The following NCAPH2 variants were observed in gnomAD, a reference collection of about 807,000 sequenced individuals.
The protein encoded by NCAPH2 is non-SMC condensin II complex subunit H2, also known as condensin-2 complex subunit H2.
Under a neutral mutation model 88.6 loss-of-function variants are expected in NCAPH2, and 56 were observed. The ratio of observed to expected loss-of-function variants is 0.63; its 90% CI spans 0.51 to 0.79. NCAPH2 has a LOEUF of 0.79. Among genes scored for constraint, NCAPH2 ranks in the 30% least tolerant of loss-of-function variants. The probability of loss-of-function intolerance (pLI) is 0.00; values close to 1 mark genes in which losing one functional copy is unlikely to be tolerated. For missense variants in NCAPH2, 794 were observed against 792.0 expected (o/e 1.00, Z -0.03); for synonymous variants, 378 against 313.6 (o/e 1.21, Z -2.17).
Position 50,521,856 on chromosome 22 carries a change from GGT to G in NCAPH2, c.1108+12_1108+13del. 1.2e-6 allele frequency: 2 copies of G among 1,613,860 alleles called. No individual in the cohort carries two copies. Among genetic ancestry groups the G allele is most frequent in the Non-Finnish European group, 1.7e-6 (2 of 1,179,992 alleles). ...AGTGGTACCTGGCTGCCTGTGAGTG[GGT>G]GTGGTGTGCACTCCGGACCACTGGG... On this transcript the variant is annotated intron_variant, in intron 12 of 19. Transcript: ENST00000420993.
Position 50,517,438 on chromosome 22 carries a change from C to G in NCAPH2, c.222C>G (p.Leu74=), listed in dbSNP as rs2068955150. 2 of 1,613,962 alleles carry G rather than the reference C, an allele frequency of 1.2e-6. No individual in the cohort carries two copies. The highest frequency in any genetic ancestry group is 1.1e-5 in the South Asian group (1 of 91,090). The change falls in exon 3 of 20, where the codon CTC becomes CTG. Residue 74 remains leucine (L), a synonymous_variant. Transcript: ENST00000420993. ...ACVYSKKVEY[L]YSLVYQALDF... ...CATCTGGTCACCAGGTGGAATACCT[C>G]TACTCACTCGTCTACCAGGCCCTTG...
At position 50,522,800 on chromosome 22, in the gene NCAPH2, C is replaced by T. The variant is rs1296633156; in HGVS notation, c.1426-21C>T. On this transcript the variant is annotated intron_variant, in intron 17 of 19. Transcript: ENST00000420993. ...CAGGCCCCTGCTTGGGAGGCAGTAGCTCCTGCTGATCCTCCCCTAGGAGCT... is the reference window on the plus strand; with the variant it reads ...CAGGCCCCTGCTTGGGAGGCAGTAGTTCCTGCTGATCCTCCCCTAGGAGCT... 2.5e-6 allele frequency: 4 copies of T among 1,612,824 alleles called. No homozygotes were observed. In the Admixed American group the frequency reaches 6.7e-5, roughly 27 times the overall value.
chr22:50,508,471 G>A (rs2068687020), intron 1 of NCAPH2, 26 bp downstream of exon 1: 2 of 1,303,042 alleles, frequency 1.5e-6, no homozygotes, highest in Non-Finnish European at 1.0e-6. Context: ...GAGTGACGCG[G>A]GGTGGGCCGG....
chr22:50,520,688 A>T lies in NCAPH2; in HGVS notation c.862-277A>T, dbSNP rs373723783. 377 of 334,928 alleles carry T rather than the reference A, an allele frequency of 1.1e-3. 1 individual carries two copies. The highest frequency in any genetic ancestry group is 7.7e-3 in the African/African-American group (358 of 46,352). The allele number at this position is 334,928 out of a possible 1,614,324, so 20.7% of individuals were successfully genotyped here. A position where few individuals can be genotyped will look rare whatever the true frequency, so the allele number is the denominator to read the frequency against. ...ATTCTCCTGCCTCGGCCTCCCGAGT[A>T]GGTGGGATTACAGGTGTGCGCCACC... On this transcript the variant is annotated intron_variant, in intron 9 of 19. Transcript: ENST00000420993.
In NCAPH2 at chr22:50,521,528, G is replaced by A. The variant is rs370977084; in HGVS notation, c.934-15G>A. The stretch of plus-strand genomic sequence containing the variant: ...CCCCCTACTTCTCCAGCGCCTTCTT[G>A]TGCTCTGTGCCCAGGAGACTCCAGA... On this transcript the variant is annotated splice_polypyrimidine_tract_variant and intron_variant, in intron 10 of 19. Transcript: ENST00000420993. 12 of 1,613,358 alleles carry A rather than the reference G, an allele frequency of 7.4e-6. No homozygotes were observed. The highest frequency in any genetic ancestry group is 9.3e-6 in the Non-Finnish European group (11 of 1,179,906).
intron 8 of NCAPH2, 93 bp from the exon 9 acceptor site, chr22:50,519,090 CGTGACTA>C (rs1485188859): frequency 1.7e-6 from 2 of 1,203,338 alleles, no homozygotes; most frequent in Non-Finnish European, 2.3e-6. Flanking sequence ...CTCTGGGCTC[CGTGACTA>C]AAGCTGAGGG....
chr22:50,508,386 G>A lies in NCAPH2; in HGVS notation c.49G>A (p.Asp17Asn), dbSNP rs755885703. The change falls in exon 1 of 20, where the codon GAC (aspartate) becomes AAC (asparagine). Residue 17 changes from aspartate (D) to asparagine (N), a missense_variant. This residue lies in a region of NCAPH2 where 59 missense variants were observed against 95.7 expected (regional missense o/e 0.62). Transcript: ENST00000420993. ...RFAHLLQPIR[D>N]LTKNWEVDVA... ...CGCCCACCTCTTGCAGCCCATCCGC[G>A]ACCTCACCAAGAACTGGGAGGTGGA... 2 of 1,482,982 alleles carry A rather than the reference G, an allele frequency of 1.3e-6. No homozygotes were observed. The highest frequency in any genetic ancestry group is 1.3e-5 in the South Asian group (1 of 76,256). 91.9% of individuals were successfully genotyped at this position (1,482,982 alleles called of 1,614,324 possible).
chr22:50,514,371 G>A (rs1052910227), intron 1 of NCAPH2, among the ~76,000 whole-genome samples: 2 of 152,138 alleles, frequency 1.3e-5, no homozygotes, highest in African/African-American at 4.8e-5. Flanking sequence ...GGTGGGGCCA[G>A]AATGGGGGTG....
Position 50,522,936 on chromosome 22 carries a change from G to A in NCAPH2, c.1527+14G>A, listed in dbSNP as rs78417868. On this transcript the variant is annotated intron_variant, in intron 18 of 19. Transcript: ENST00000420993. Reference sequence around the variant, plus strand: ...CTCCAGGAGCAGGTGAGGCGGGGCCGCTGGGAACCAGAGCTGTGTGCCACG... The same window carrying A: ...CTCCAGGAGCAGGTGAGGCGGGGCCACTGGGAACCAGAGCTGTGTGCCACG... 7.8e-4 allele frequency: 1,259 copies of A among 1,612,188 alleles called. 15 individuals are homozygous for A. In the East Asian group the frequency reaches 0.016, roughly 20 times the overall value.
At position 50,521,562 on chromosome 22, in the gene NCAPH2, A is replaced by T; in HGVS notation, c.953A>T (p.Gln318Leu). 6.2e-7 allele frequency: 1 copy of T among 1,613,594 alleles called. No homozygotes were observed. Among genetic ancestry groups the T allele is most frequent in the Non-Finnish European group, 8.5e-7 (1 of 1,180,002 alleles). The stretch of plus-strand genomic sequence containing the variant: ...GCCCAGGAGACTCCAGACCCCTGGC[A>T]GAGCCTGGACCCCTTTGACTCCTTG... ...SCVKETPDPW[Q>L]SLDPFDSLES... The change falls in exon 11 of 20, where the codon CAG becomes CTG. Residue 318 changes from glutamine to leucine, a missense_variant. By Grantham distance (113) the Gln-to-Leu change is moderately radical. Coordinates refer to ENST00000420993, the MANE Select transcript of NCAPH2 (RefSeq NM_152299.4).
At chr22:50,519,667 G>T in intron 9 of NCAPH2, 3 of 1,133,654 alleles carry the variant, frequency 2.6e-6, no homozygotes, top group Non-Finnish European at 3.2e-6. Flanking sequence ...GGCCATTGCT[G>T]CCTCCCTCAA....
rs200422736 is a variant in NCAPH2 at position 50,522,663 on chromosome 22, C to G, written c.1376-8C>G. On this transcript the variant is annotated splice_region_variant and splice_polypyrimidine_tract_variant and intron_variant, in intron 16 of 19. Coordinates refer to ENST00000420993, the MANE Select transcript of NCAPH2 (RefSeq NM_152299.4). ...TTAGCTGCCCAGCTCACAGCTACCC[C>G]TTCCCAGACGCAGTGCCGATGTCCC... The G allele has an allele frequency of 7.3e-5, 117 of 1,613,710 alleles. 1 individual carries two copies. The East Asian group carries it at 2.5e-3, about 34-fold the overall frequency.
intron 9 of NCAPH2, 97 bp from the exon 10 acceptor site, chr22:50,520,868 A>T (rs2069069014): frequency 1.4e-6 from 2 of 1,396,388 alleles, no homozygotes; most frequent in Non-Finnish European, 2.0e-6. Context: ...CGACCCTTGT[A>T]GGGTTCTTGA....
chr22:50,515,260 G>T (rs563825408), intron 1 of NCAPH2, among the ~76,000 whole-genome samples: 103 of 152,344 alleles, frequency 6.8e-4, no homozygotes, highest in Non-Finnish European at 1.3e-3. Flanking sequence ...ACACCTAGGG[G>T]CTTCAAAGTG....
chr22:50,518,412 C>T lies in NCAPH2; in HGVS notation c.646+134C>T, dbSNP rs1011591983. 91 of 1,344,862 alleles carry T rather than the reference C, an allele frequency of 6.8e-5. 1 individual carries two copies. In the Admixed American group the frequency reaches 6.8e-4, roughly 10 times the overall value. 83.3% of individuals were successfully genotyped at this position (1,344,862 alleles called of 1,614,324 possible). ...CTCTGGGTGCCTGCTCTAGTCTAGA[C>T]AGGTTGGCTGGTGCTCATCCCACCC... On this transcript the variant is annotated intron_variant, in intron 7 of 19. Transcript: ENST00000420993.
chr22:50,516,424 T>C (rs753685211), intron 1 of NCAPH2, 23 bp from the exon 2 acceptor site: 1 of 1,611,222 alleles, frequency 6.2e-7, no homozygotes, highest in Admixed American at 1.7e-5. Flanking sequence ...GGATTCCCCC[T>C]GTCTTTGTGT....
intron 7 of NCAPH2, 63 bp downstream of exon 7, chr22:50,518,341 G>T: frequency 6.3e-7 from 1 of 1,581,740 alleles, no homozygotes; most frequent in East Asian, 2.2e-5. Context: ...TTGGACTCTT[G>T]TGGGGTGCCC....
At chr22:50,512,337 T>A (rs2068806604) in intron 1 of NCAPH2, among the ~76,000 whole-genome samples, 1 of 152,182 alleles carries the variant, frequency 6.6e-6, no homozygotes, top group African/African-American at 2.4e-5. Context: ...GATTCAGGTT[T>A]TCACATCAAG....
chr22:50,509,152 C>G (rs1050169374), intron 1 of NCAPH2, among the ~76,000 whole-genome samples: 1 of 152,118 alleles, frequency 6.6e-6, no homozygotes, highest in African/African-American at 2.4e-5. Context: ...TATCCAGTCT[C>G]TAAGTGTTGA....
Sources: allele counts gnomAD v4.1 joint callset (sites outside exome capture counted in the v4.1 genomes callset), GRCh38; gene constraint gnomAD v4.1.1; regional missense constraint gnomAD v4.1.1; transcripts MANE v1.5; gene names NCBI Gene and HGNC (gene_info 2026-07-23, HGNC 2026-07-21).